TGFBRAP1: variants seen among roughly 807,000 people sequenced by gnomAD.
TGFBRAP1 encodes the protein transforming growth factor beta receptor associated protein 1.
A neutral mutation model predicts 83.2 loss-of-function variants in TGFBRAP1; 20 were observed. The observed-to-expected ratio is 0.24, with a 90% CI of 0.17 to 0.35. The LOEUF is 0.35. Ranked by LOEUF, TGFBRAP1 falls within the 10% of genes least tolerant of loss-of-function variation. The pLI, the probability that TGFBRAP1 is intolerant of heterozygous loss-of-function variation, is 1.00. For missense variants in TGFBRAP1, 950 were observed against 1,099.4 expected, an observed-to-expected ratio of 0.86 and a Z score of 1.92; for synonymous variants, 415 against 459.8, an observed-to-expected ratio of 0.90 and a Z score of 1.25.
At chr2:105,272,735 G>A in intron 10 of TGFBRAP1, 120 bp downstream of exon 10, 1 of 1,293,414 alleles carries the variant, frequency 7.7e-7, no homozygotes, top group Non-Finnish European at 1.1e-6. Flanking sequence ...AAAAAAAGAG[G>A]CTCAAAGAAT....
chr2:105,251,214 C>T, the TGFBRAP1 span, among the ~76,000 whole-genome samples: 2 of 150,288 alleles, frequency 1.3e-5, no homozygotes, highest in African/African-American at 2.5e-5. Context: ...AGGAGCCCCT[C>T]CGCCCGGCCG....
chr2:105,307,861 G>A lies in TGFBRAP1; in HGVS notation c.441C>T (p.Thr147=). The A allele has an allele frequency of 6.2e-7, 1 of 1,614,230 alleles. No homozygotes were observed. The highest frequency in any genetic ancestry group is 8.5e-7 in the Non-Finnish European group (1 of 1,180,048). The change falls in exon 2 of 12, where the codon ACC becomes ACT. Residue 147 remains threonine (T), a synonymous_variant. Transcript: ENST00000393359. ...CCTCGTACACCAGAAACATCTGGAT[G>A]GTTCTGCGTTTGACAGAGATGATGC... ...EVCIISVKRR[T]IQMFLVYEDR... is the part of the protein sequence containing the mutation.
chr2:105,276,111 G>A (rs920736576), intron 7 of TGFBRAP1, among the ~76,000 whole-genome samples: 3 of 152,156 alleles, frequency 2.0e-5, no homozygotes, highest in African/African-American at 4.8e-5. Context: ...CTCCGTCACA[G>A]ACATTCTTGA....
In TGFBRAP1 at chr2:105,288,743, T is replaced by C. The variant is rs139459597; in HGVS notation, c.1039-4345A>G. 3.5e-3 allele frequency among the ~76,000 whole-genome samples: 538 copies of C among 152,276 alleles called. 5 individuals are homozygous for C. The highest frequency in any genetic ancestry group is 0.012 in the African/African-American group (510 of 41,538). On this transcript the variant is annotated intron_variant, in intron 4 of 11. Transcript: ENST00000393359. Reference sequence around the variant, plus strand: ...AAACAGAAACATCTTTCCCGAAATATATTAGGTGGAACATGAGGACCATGG... The same window carrying C: ...AAACAGAAACATCTTTCCCGAAATACATTAGGTGGAACATGAGGACCATGG...
chr2:105,283,075 C>G (rs572881133), intron 5 of TGFBRAP1, among the ~76,000 whole-genome samples: 4 of 152,166 alleles, frequency 2.6e-5, no homozygotes, highest in Non-Finnish European at 5.9e-5. Context: ...CCCATGACCC[C>G]GGTGAGGAGG....
At chr2:105,327,750 T>G (rs374979123) in intron 1 of TGFBRAP1, among the ~76,000 whole-genome samples, 32 of 152,372 alleles carry the variant, frequency 2.1e-4, no homozygotes, top group African/African-American at 6.7e-4. Context: ...CTGGGATTCC[T>G]GCAGTGGTGA....
At chr2:105,285,359 T>C (rs1677680725) in intron 4 of TGFBRAP1, among the ~76,000 whole-genome samples, 1 of 152,240 alleles carries the variant, frequency 6.6e-6, no homozygotes, top group Admixed American at 6.5e-5. Flanking sequence ...ATCAACTCTC[T>C]GATCCATTTG....
In TGFBRAP1 at chr2:105,280,362, A is replaced by G; in HGVS notation, c.1463+20T>C. On this transcript the variant is annotated intron_variant, in intron 6 of 11. Transcript: ENST00000393359. ...GTGCAGGGCGGGAAGCCCTGATCAT[A>G]TCAGGAAGGGAACACTCACTTTTTG... 1 of 1,607,080 alleles carries G rather than the reference A, an allele frequency of 6.2e-7. No individual in the cohort carries two copies. The highest frequency in any genetic ancestry group is 1.1e-5 in the South Asian group (1 of 89,960).
intron 1 of TGFBRAP1, among the ~76,000 whole-genome samples, chr2:105,317,541 A>G (rs1289124381): frequency 1.3e-5 from 2 of 152,176 alleles, no homozygotes; most frequent in South Asian, 2.1e-4. Context: ...GAAACACTGG[A>G]AAAAAAGCAT....
chr2:105,300,672 G>A (rs951708019), intron 2 of TGFBRAP1, among the ~76,000 whole-genome samples: 1 of 151,952 alleles, frequency 6.6e-6, no homozygotes, highest in African/African-American at 2.4e-5. Context: ...CCTGACCTCA[G>A]GTGATCTGCC....
intron 5 of TGFBRAP1, among the ~76,000 whole-genome samples, chr2:105,283,612 A>G (rs892393746): frequency 1.3e-5 from 2 of 152,220 alleles, no homozygotes; most frequent in African/African-American, 4.8e-5. Flanking sequence ...TTCTGCAAAG[A>G]GTGCTGAGCA....
intron 1 of TGFBRAP1, among the ~76,000 whole-genome samples, chr2:105,314,782 C>T (rs894185482): frequency 6.6e-6 from 1 of 151,330 alleles, no homozygotes; most frequent in Non-Finnish European, 1.5e-5. Context: ...AACCCCATCT[C>T]TACTAAAAAT....
chr2:105,262,045 G>A (rs1479786626), downstream of TGFBRAP1, among the ~76,000 whole-genome samples: 2 of 152,096 alleles, frequency 1.3e-5, no homozygotes, highest in Non-Finnish European at 1.5e-5. Context: ...GACATCTTTT[G>A]GTAATGAAGA....
At chr2:105,321,891 T>C (rs1021617052) in intron 1 of TGFBRAP1, among the ~76,000 whole-genome samples, 8 of 152,264 alleles carry the variant, frequency 5.3e-5, no homozygotes, top group Non-Finnish European at 1.0e-4. Context: ...TAAATGACTA[T>C]GTTACTGGTT....
At chr2:105,277,825 G>A (rs1281664096) in intron 6 of TGFBRAP1, among the ~76,000 whole-genome samples, 154 bp from the exon 7 acceptor site, 2 of 152,190 alleles carry the variant, frequency 1.3e-5, no homozygotes, top group African/African-American at 4.8e-5. Context: ...AGGCCAAGGT[G>A]GGTGGATGGC....
At chr2:105,300,415 T>C (rs1195594205) in intron 2 of TGFBRAP1, among the ~76,000 whole-genome samples, 1 of 150,252 alleles carries the variant, frequency 6.7e-6, no homozygotes, top group Non-Finnish European at 1.5e-5. Context: ...ACAACCAACA[T>C]AGGATAATGG....
At chr2:105,318,731 A>C (rs1306849980) in intron 1 of TGFBRAP1, among the ~76,000 whole-genome samples, 2 of 152,196 alleles carry the variant, frequency 1.3e-5, no homozygotes, top group African/African-American at 4.8e-5. Context: ...GGGGCATTCC[A>C]TCCATCATTT....
chr2:105,316,684 C>T (rs539801934), intron 1 of TGFBRAP1, among the ~76,000 whole-genome samples: 1 of 151,812 alleles, frequency 6.6e-6, no homozygotes, highest in Non-Finnish European at 1.5e-5. Flanking sequence ...CGTGGCTGTG[C>T]ACACCTGTAG....
rs748517287 is a variant in TGFBRAP1, at chr2:105,267,185, G to A, written c.*198C>T. ...TAGGGGTTTTCCATGTACATTCATA[G>A]AGCCTGGTCATTCCATGTACATTCA... On this transcript the variant is annotated 3_prime_UTR_variant, in exon 12 of 12. Transcript: ENST00000393359. 4 of 35,202 alleles carry A rather than the reference G, an allele frequency of 1.1e-4. No homozygotes were observed. The highest frequency in any genetic ancestry group is 1.8e-3 in the Admixed American group (2 of 1,114). 2.2% of individuals were successfully genotyped at this position (35,202 alleles called of 1,614,324 possible).
Sources: allele counts gnomAD v4.1 joint callset (sites outside exome capture counted in the v4.1 genomes callset), GRCh38; gene constraint gnomAD v4.1.1; transcripts MANE v1.5; gene names NCBI Gene and HGNC (gene_info 2026-07-23, HGNC 2026-07-21).